Variants in TENM3 observed in about 807,000 individuals in gnomAD.
The protein encoded by TENM3 is teneurin transmembrane protein 3, also known as teneurin-3.
In TENM3, 63 loss-of-function variants were observed where a neutral mutation model predicts 255.1. The ratio of observed to expected loss-of-function variants is 0.25; its 90% CI spans 0.20 to 0.30. The LOEUF (loss-of-function observed/expected upper bound fraction) is 0.30, where lower values mean the gene tolerates loss of function less well. Ranked by LOEUF, TENM3 falls within the 10% of genes least tolerant of loss-of-function variation. TENM3 has a pLI of 1.00. For synonymous variants in TENM3, 1,306 were observed against 1,322.3 expected, an observed-to-expected ratio of 0.99 and a Z score of 0.27; for missense variants, 2,929 against 3,461.1, an observed-to-expected ratio of 0.85 and a Z score of 3.86.
chr4:182,359,052 C>T (rs2150760135), intron 3 of TENM3, among the ~76,000 whole-genome samples: 1 of 151,676 alleles, frequency 6.6e-6, no homozygotes, highest in Middle Eastern at 3.4e-3. Context: ...ACCAGCCTTG[C>T]ACCCCAGGGA....
chr4:181,648,056 T>C, the TENM3 span, among the ~76,000 whole-genome samples: 4 of 152,104 alleles, frequency 2.6e-5, no homozygotes, highest in Non-Finnish European at 5.9e-5. Context: ...GGGGAGAAAT[T>C]TCCCCCTGTA....
At chr4:182,571,819 C>T (rs531870980) in intron 3 of TENM3, among the ~76,000 whole-genome samples, 4 of 152,278 alleles carry the variant, frequency 2.6e-5, no homozygotes, top group East Asian at 1.9e-4. Flanking sequence ...TTTCAAACAA[C>T]GTGACATAAT....
Position 182,792,357 on chromosome 4 carries a change from C to G in TENM3, c.5685C>G (p.Pro1895=). 3 of 1,613,996 alleles carry G rather than the reference C, an allele frequency of 1.9e-6. No individual in the cohort carries two copies. In the South Asian group the frequency reaches 3.3e-5, roughly 18 times the overall value. Residue 1895 remains proline, a synonymous_variant, in exon 26 of 28, where the codon CCC becomes CCG. Transcript: ENST00000511685. This position sits in a 1 kb window ranked among gnomAD's most constrained non-coding sequence, Gnocchi z 6.3. ...ACCGCCTGTCTGCCATCACCATGCC[C>G]AGTGTGGCTCGCCACACCATGCAGA... ...MWDRLSAITM[P]SVARHTMQTI... is the part of the protein sequence containing the mutation.
At chr4:181,553,294 T>A in the TENM3 span, among the ~76,000 whole-genome samples, 1 of 115,288 alleles carries the variant, frequency 8.7e-6, no homozygotes, top group South Asian at 2.8e-4. Flanking sequence ...TGTGTGTGTG[T>A]GTGTAGTGTG....
At chr4:181,689,928 G>A in the TENM3 span, among the ~76,000 whole-genome samples, 1 of 152,076 alleles carries the variant, frequency 6.6e-6, no homozygotes, top group African/African-American at 2.4e-5. Flanking sequence ...AAAAAGTTGA[G>A]GTCAAATTTG....
chr4:181,906,179 A>G, the TENM3 span: 3 of 252,432 alleles, frequency 1.2e-5, no homozygotes, highest in Non-Finnish European at 2.4e-5. Flanking sequence ...TTCTATTAAG[A>G]AGTTCATCAT....
At chr4:181,928,471 A>C in the TENM3 span, among the ~76,000 whole-genome samples, 11 of 151,928 alleles carry the variant, frequency 7.2e-5, no homozygotes, top group Non-Finnish European at 2.9e-5. Context: ...CAGGAAGACA[A>C]GATTGGAGAA....
chr4:182,641,685 C>T (rs1013540864), intron 5 of TENM3, among the ~76,000 whole-genome samples: 13 of 152,104 alleles, frequency 8.5e-5, no homozygotes, highest in Non-Finnish European at 1.5e-5. Context: ...GCTCCACACG[C>T]CTGGCTAATT....
chr4:182,070,637 T>C, the TENM3 span, among the ~76,000 whole-genome samples: 1 of 151,880 alleles, frequency 6.6e-6, no homozygotes, highest in Non-Finnish European at 1.5e-5. Flanking sequence ...AATACACATA[T>C]ACACAGAAGA....
At chr4:181,557,836 A>G in the TENM3 span, among the ~76,000 whole-genome samples, 125 of 152,312 alleles carry the variant, frequency 8.2e-4, no homozygotes, top group African/African-American at 2.8e-3. Context: ...TGACCTCTCC[A>G]TATATTTCTA....
At chr4:182,763,554 CAA>C (rs35831067) in intron 22 of TENM3, among the ~76,000 whole-genome samples, 5 of 143,668 alleles carry the variant, frequency 3.5e-5, no homozygotes, top group Admixed American at 6.8e-5. Context: ...GACTCCGTCT[CAA>C]AAAAAAAAAG....
the TENM3 span, among the ~76,000 whole-genome samples, chr4:181,734,411 G>C: frequency 1.3e-5 from 2 of 151,874 alleles, no homozygotes; most frequent in Non-Finnish European, 2.9e-5. Flanking sequence ...AATCAATCAA[G>C]CCTCATTTTC....
intron 3 of TENM3, among the ~76,000 whole-genome samples, chr4:182,536,052 AT>A (rs2151862142): frequency 6.6e-6 from 1 of 152,324 alleles, no homozygotes; most frequent in Non-Finnish European, 1.5e-5. Context: ...GAAACTCCAA[AT>A]GGGAATTGAG....
At chr4:182,169,245 C>T (rs1345541518) in intron 1 of TENM3, 1 of 473,048 alleles carries the variant, frequency 2.1e-6, no homozygotes, top group Admixed American at 2.3e-5. Context: ...TGGTTCTGTT[C>T]CTTTAGATAG....
At chr4:182,373,791 A>G (rs143058141) in intron 3 of TENM3, among the ~76,000 whole-genome samples, 41 of 152,322 alleles carry the variant, frequency 2.7e-4, no homozygotes, top group African/African-American at 9.6e-4. Flanking sequence ...GGAGCCCCCT[A>G]CTAAGGGGAA....
chr4:182,161,134 C>T (rs1305929439), intron 1 of TENM3, among the ~76,000 whole-genome samples: 2 of 115,632 alleles, frequency 1.7e-5, no homozygotes, highest in East Asian at 9.6e-4. Flanking sequence ...CAAAAATTAG[C>T]GGCCGGGCGC....
chr4:181,901,876 TC>T, the TENM3 span, among the ~76,000 whole-genome samples: 233 of 151,962 alleles, frequency 1.5e-3, 2 homozygotes, highest in African/African-American at 5.4e-3. Context: ...CATCCTTCAT[TC>T]CCCCCCACCC....
At position 182,485,850 on chromosome 4, in the gene TENM3, T is replaced by C. The variant is rs76304936; in HGVS notation, c.512-115074T>C. On this transcript the variant is annotated intron_variant, in intron 3 of 27. Transcript: ENST00000511685. ...GAAATGCAGTCAAGGAAACAGGAGA[T>C]TGTAGAGTATGACACTGGTTTTATA... Among the ~76,000 whole-genome samples, 75 of 152,256 alleles carry C rather than the reference T, an allele frequency of 4.9e-4. 2 individuals are homozygous for C. In the East Asian group the frequency reaches 0.014, roughly 27 times the overall value.
the TENM3 span, among the ~76,000 whole-genome samples, chr4:181,599,931 C>T: frequency 2.6e-5 from 4 of 152,144 alleles, no homozygotes; most frequent in East Asian, 1.9e-4. Context: ...TTACATTTAC[C>T]GGTGAGTTCC....
Sources: allele counts gnomAD v4.1 joint callset (sites outside exome capture counted in the v4.1 genomes callset), GRCh38; gene constraint gnomAD v4.1.1; non-coding constraint Gnocchi (gnomAD v3.1); transcripts MANE v1.5; gene names NCBI Gene and HGNC (gene_info 2026-07-23, HGNC 2026-07-21).